The following PIGN variants were observed in gnomAD, a reference collection of about 807,000 sequenced individuals.
PIGN encodes GPI ethanolamine phosphate transferase 1.
PIGN carries 117 observed loss-of-function variants against 125.4 expected under a neutral mutation model. The ratio of observed to expected loss-of-function variants is 0.93; its 90% CI spans 0.80 to 1.09. The LOEUF is 1.09. PIGN is among the 50% of genes least tolerant of loss of function. The pLI, the probability that PIGN is intolerant of heterozygous loss-of-function variation, is 0.00. For synonymous variants in PIGN, 392 were observed against 377.8 expected (o/e 1.04, Z -0.44); for missense variants, 1,075 against 1,094.9 (o/e 0.98, Z 0.26).
At chr18:62,049,491 T>C (rs1197220991) in intron 30 of PIGN, among the ~76,000 whole-genome samples, 1 of 152,038 alleles carries the variant, frequency 6.6e-6, no homozygotes, top group Non-Finnish European at 1.5e-5. Flanking sequence ...TTTGGCTGCA[T>C]AAATGTCTTC....
intron 14 of PIGN, among the ~76,000 whole-genome samples, chr18:62,134,149 C>T (rs2035840313): frequency 6.6e-6 from 1 of 151,842 alleles, no homozygotes; most frequent in Admixed American, 6.6e-5. Context: ...AATCCCAGCA[C>T]TTTGGGAGGC....
At chr18:62,117,718 T>C (rs1343286727) in intron 14 of PIGN, among the ~76,000 whole-genome samples, 1 of 152,134 alleles carries the variant, frequency 6.6e-6, no homozygotes, top group African/African-American at 2.4e-5. Flanking sequence ...TGTATACATA[T>C]GTATTCTTGT....
chr18:62,161,409 T>C (rs2147621666), intron 3 of PIGN, 24 bp from the exon 4 acceptor site: 3 of 1,160,066 alleles, frequency 2.6e-6, no homozygotes, highest in East Asian at 2.5e-5. Context: ...CAAAATTAAA[T>C]TGGGGTAAAT....
chr18:62,139,109 T>C (rs75330176), intron 12 of PIGN, 34 bp from the exon 13 acceptor site: 16 of 1,292,534 alleles, frequency 1.2e-5, no homozygotes, highest in Non-Finnish European at 1.6e-5. Flanking sequence ...ATTGATAGTA[T>C]TCAGACAGCT....
chr18:62,125,166 A>G (rs1308749091), intron 14 of PIGN, among the ~76,000 whole-genome samples: 1 of 121,012 alleles, frequency 8.3e-6, no homozygotes, highest in Non-Finnish European at 1.9e-5. Context: ...ATGTTTGTAC[A>G]TATGTGTATA....
At chr18:62,179,743 T>C (rs1238471637) in intron 1 of PIGN, among the ~76,000 whole-genome samples, 2 of 152,070 alleles carry the variant, frequency 1.3e-5, no homozygotes, top group African/African-American at 4.8e-5. Flanking sequence ...TGAGACCCTG[T>C]CTCAAAATAA....
At chr18:62,048,813 T>A (rs1185841366) in intron 30 of PIGN, among the ~76,000 whole-genome samples, 1 of 151,082 alleles carries the variant, frequency 6.6e-6, no homozygotes, top group East Asian at 1.9e-4. Flanking sequence ...TAACTCGTCA[T>A]TTAGCATTAG....
At chr18:62,023,557 C>T (rs1414314832) in intron 23 of PIGN, among the ~76,000 whole-genome samples, 1 of 152,208 alleles carries the variant, frequency 6.6e-6, no homozygotes, top group South Asian at 2.1e-4. Flanking sequence ...TCTGAAGCCT[C>T]TCAATGGTGG....
chr18:62,050,180 C>T (rs1276291569), intron 30 of PIGN, among the ~76,000 whole-genome samples: 5 of 152,128 alleles, frequency 3.3e-5, no homozygotes, highest in East Asian at 1.9e-4. Flanking sequence ...CTTGGCGATG[C>T]GGGCTCCTTT....
In PIGN at chr18:62,114,657, A is replaced by G. The variant is rs778073730; in HGVS notation, c.1173-18T>C. The stretch of plus-strand genomic sequence containing the variant: ...AAAGCAGTCTATATATAAAAAAAAG[A>G]ATAGGTTTAAAGGGTTTCCTCATTC... On this transcript the variant is annotated intron_variant, in intron 14 of 30. Coordinates refer to ENST00000640252, the MANE Select transcript of PIGN (RefSeq NM_176787.5). 14 of 1,261,880 alleles carry G rather than the reference A, an allele frequency of 1.1e-5. No individual in the cohort carries two copies. The highest frequency in any genetic ancestry group is 7.6e-5 in the East Asian group (3 of 39,256). 78.2% of individuals were successfully genotyped at this position (1,261,880 alleles called of 1,614,324 possible).
intron 22 of PIGN, 57 bp from the exon 23 acceptor site, chr18:62,096,007 G>C: frequency 2.6e-6 from 3 of 1,153,548 alleles, no homozygotes; most frequent in Non-Finnish European, 3.9e-6. Flanking sequence ...AAAAATGTTA[G>C]CGTAGGGCCG....
intron 16 of PIGN, among the ~76,000 whole-genome samples, chr18:62,111,883 A>G (rs2034893339): frequency 6.6e-6 from 1 of 152,206 alleles, no homozygotes; most frequent in Non-Finnish European, 1.5e-5. Flanking sequence ...GTATTATCAG[A>G]TTAACGAATA....
intron 26 of PIGN, 75 bp from the exon 27 acceptor site, chr18:62,084,681 G>C: frequency 1.1e-6 from 1 of 940,282 alleles, no homozygotes; most frequent in Non-Finnish European, 1.7e-6. Context: ...CTAAAAAGAT[G>C]TTTAAACTAA....
rs1343903476 is a variant in PIGN, at chr18:62,180,933, T to C, written c.-236+5911A>G. Among the ~76,000 whole-genome samples the C allele has an allele frequency of 3.3e-5, 5 of 152,192 alleles. No individual in the cohort carries two copies. The South Asian group carries it at 8.3e-4, about 25-fold the overall frequency. On this transcript the variant is annotated intron_variant, in intron 1 of 30. Coordinates refer to ENST00000640252, the MANE Select transcript of PIGN (RefSeq NM_176787.5). ...TTTCCTGGTTCTTATGTCACATATA[T>C]TCTTCTAATAGTTTTAGATTTTTGT... is the stretch of plus-strand genomic sequence containing the variant.
intron 30 of PIGN, among the ~76,000 whole-genome samples, chr18:62,060,242 C>T (rs1029472120): frequency 2.9e-4 from 44 of 152,310 alleles, no homozygotes; most frequent in African/African-American, 8.2e-4. Flanking sequence ...TTCAGCTGTT[C>T]GCACTCCCCT....
intron 23 of PIGN, among the ~76,000 whole-genome samples, chr18:62,026,653 C>T (rs1418715287): frequency 6.6e-6 from 1 of 152,186 alleles, no homozygotes; most frequent in African/African-American, 2.4e-5. Flanking sequence ...TCAAAATGTA[C>T]CCAGTGTACT....
At chr18:62,077,454 T>C (rs2033234836) in intron 28 of PIGN, among the ~76,000 whole-genome samples, 2 of 152,174 alleles carry the variant, frequency 1.3e-5, no homozygotes, top group African/African-American at 4.8e-5. Flanking sequence ...TTTTTAGAAA[T>C]ATTTTTATTT....
chr18:62,066,298 T>C (rs1291177712), intron 30 of PIGN, among the ~76,000 whole-genome samples: 1 of 152,160 alleles, frequency 6.6e-6, no homozygotes, highest in Non-Finnish European at 1.5e-5. Context: ...TAAGATCAGC[T>C]CAACCACTGA....
chr18:62,081,613 T>C (rs1397327013), intron 28 of PIGN, among the ~76,000 whole-genome samples: 1 of 152,136 alleles, frequency 6.6e-6, no homozygotes, highest in Non-Finnish European at 1.5e-5. Context: ...TGATGAGCCT[T>C]CTATTTCTCA....
Sources: gnomAD v4.1 joint callset for allele counts (sites outside exome capture counted in the v4.1 genomes callset) on GRCh38, gnomAD v4.1.1 for gene constraint, MANE v1.5 for transcripts, NCBI Gene and HGNC (gene_info 2026-07-23, HGNC 2026-07-21) for gene names.